RAB10: variants seen among roughly 807,000 people sequenced by gnomAD.
RAB10 encodes the protein ras-related protein Rab-10.
In RAB10, 5 loss-of-function variants were observed where a neutral mutation model predicts 25.7. That is an observed-to-expected ratio of 0.19 (90% confidence interval 0.10 to 0.41). The LOEUF is 0.41. RAB10 is among the 10% of genes least tolerant of loss of function. RAB10 has a pLI of 1.00. For missense variants in RAB10, 103 were observed against 245.8 expected (o/e 0.42, Z 3.89); for synonymous variants, 89 against 86.4 (o/e 1.03, Z -0.16).
At chr2:26,109,121 A>C (rs1391163125) in intron 2 of RAB10, among the ~76,000 whole-genome samples, 1 of 151,324 alleles carries the variant, frequency 6.6e-6, no homozygotes, top group Non-Finnish European at 1.5e-5. Context: ...CATGTTGGCC[A>C]AGTGTCTTGA....
At position 26,034,700 on chromosome 2, in the gene RAB10, A is replaced by T; in HGVS notation, c.92A>T (p.Asp31Val). 1 of 1,614,122 alleles carries T rather than the reference A, an allele frequency of 6.2e-7. No homozygotes were observed. The highest frequency in any genetic ancestry group is 8.5e-7 in the Non-Finnish European group (1 of 1,180,010). Residue 31 changes from aspartate to valine, a missense_variant, in exon 1 of 6, where the codon GAT becomes GTT. Transcript: ENST00000264710. ...GKTCVLFRFSDDAFNTTFIST... is the reference protein window; with the variant it reads ...GKTCVLFRFSVDAFNTTFIST... The stretch of plus-strand genomic sequence containing the variant: ...ACCTGCGTCCTTTTTCGTTTTTCGG[A>T]TGATGCCTTCAATACTACCTTTATT...
At chr2:26,125,793 T>G (rs1667891448) in intron 3 of RAB10, among the ~76,000 whole-genome samples, 1 of 152,204 alleles carries the variant, frequency 6.6e-6, no homozygotes, top group African/African-American at 2.4e-5. Flanking sequence ...ATACATGATT[T>G]ACAAATATTT....
At position 26,079,324 on chromosome 2, in the gene RAB10, A is replaced by ACACACACACAC. The variant is rs1553726198; in HGVS notation, c.128-19338_128-19337insCACACACACAC. 2.9e-3 allele frequency among the ~76,000 whole-genome samples: 267 copies of ACACACACACAC among 92,644 alleles called. 2 individuals are homozygous for ACACACACACAC. The highest frequency in any genetic ancestry group is 7.2e-3 in the African/African-American group (180 of 25,038). 60.8% of individuals were successfully genotyped at this position (92,644 alleles called of 152,430 possible). ...AGCAAGTTTGAAACACACACACACAAACACACACACACACACACACACACA... is the reference window on the plus strand; with the variant it reads ...AGCAAGTTTGAAACACACACACACAACACACACACACACACACACACACACACACACACACA... On this transcript the variant is annotated intron_variant, in intron 1 of 5. Transcript: ENST00000264710.
chr2:26,108,907 TTA>T (rs1491331344), intron 2 of RAB10, among the ~76,000 whole-genome samples: 5 of 150,580 alleles, frequency 3.3e-5, no homozygotes, highest in African/African-American at 1.2e-4. Context: ...ATTTATTTAT[TTA>T]TTTATTTATT....
intron 3 of RAB10, among the ~76,000 whole-genome samples, chr2:26,117,638 A>C (rs1233208348): frequency 6.3e-5 from 1 of 15,830 alleles, no homozygotes; most frequent in African/African-American, 1.8e-4. Flanking sequence ...AAAAAAAACA[A>C]AAAAAACAAA....
chr2:26,110,883 TGTA>T (rs1667555657), intron 3 of RAB10, among the ~76,000 whole-genome samples: 2 of 152,074 alleles, frequency 1.3e-5, no homozygotes, highest in South Asian at 4.1e-4. Flanking sequence ...TTTTTGTATT[TGTA>T]GTAGAGATGG....
At chr2:26,056,298 A>G (rs1378489212) in intron 1 of RAB10, among the ~76,000 whole-genome samples, 2 of 152,138 alleles carry the variant, frequency 1.3e-5, no homozygotes, top group East Asian at 3.9e-4. Context: ...TCCCGGGTTC[A>G]GGCAATTCTC....
intron 3 of RAB10, among the ~76,000 whole-genome samples, chr2:26,118,616 C>T (rs1667740955): frequency 6.6e-6 from 1 of 152,124 alleles, no homozygotes; most frequent in Admixed American, 6.6e-5. Flanking sequence ...ACAGTGATCT[C>T]TAAATCTGTG....
At chr2:26,075,660 C>T (rs909205711) in intron 1 of RAB10, among the ~76,000 whole-genome samples, 14 of 152,156 alleles carry the variant, frequency 9.2e-5, no homozygotes, top group Non-Finnish European at 1.6e-4. Context: ...ACAGAATAAT[C>T]ATGACCAAGG....
At chr2:26,120,992 A>G (rs1358984747) in intron 3 of RAB10, among the ~76,000 whole-genome samples, 2 of 151,682 alleles carry the variant, frequency 1.3e-5, no homozygotes, top group East Asian at 3.9e-4. Flanking sequence ...GCTCACTGCA[A>G]CCTCCACCTC....
chr2:26,059,584 A>G (rs1432497130), intron 1 of RAB10, among the ~76,000 whole-genome samples: 1 of 152,214 alleles, frequency 6.6e-6, no homozygotes, highest in Non-Finnish European at 1.5e-5. Flanking sequence ...TACTCAACAA[A>G]TTAAAAATGG....
chr2:26,042,930 A>T (rs1034003011), intron 1 of RAB10: 2 of 152,152 alleles, frequency 1.3e-5, no homozygotes, highest in African/African-American at 2.4e-5. Flanking sequence ...ACCATTTAGG[A>T]TAGTTATAAC....
intron 2 of RAB10, among the ~76,000 whole-genome samples, chr2:26,102,508 G>A (rs887654516): frequency 1.4e-5 from 2 of 144,572 alleles, no homozygotes; most frequent in East Asian, 4.0e-4. Context: ...GCGCTATCTC[G>A]GCTCACTGCA....
In RAB10 at chr2:26,137,330, C is replaced by T. The variant is rs973179226; in HGVS notation, c.*2309C>T. ...GAAGCTGTTCTCATTAAACACCAAA[C>T]AGTTAAGTCCATTCTCTGGTACTAG... On this transcript the variant is annotated 3_prime_UTR_variant, in exon 6 of 6. Transcript: ENST00000264710. 2.0e-5 allele frequency: 3 copies of T among 152,650 alleles called. No homozygotes were observed. Among genetic ancestry groups the T allele is most frequent in the Non-Finnish European group, 4.4e-5 (3 of 68,034 alleles). The allele number at this position is 152,650 out of a possible 1,614,324, so 9.5% of individuals were successfully genotyped here.
chr2:26,124,965 T>A (rs1667877056), intron 3 of RAB10, among the ~76,000 whole-genome samples: 1 of 152,256 alleles, frequency 6.6e-6, no homozygotes, highest in African/African-American at 2.4e-5. Context: ...CTGAATAATA[T>A]TCCATTGTTT....
chr2:26,047,121 A>G (rs998620841), intron 1 of RAB10, among the ~76,000 whole-genome samples: 10 of 152,122 alleles, frequency 6.6e-5, no homozygotes, highest in African/African-American at 1.7e-4. Flanking sequence ...ATTTGGTACA[A>G]TTTTGTCATT....
intron 1 of RAB10, among the ~76,000 whole-genome samples, chr2:26,094,614 A>G (rs932241569): frequency 3.1e-4 from 47 of 151,614 alleles, no homozygotes; most frequent in African/African-American, 1.1e-3. Context: ...GCTGGAGTGC[A>G]GTGGTGCGAT....
intron 1 of RAB10, among the ~76,000 whole-genome samples, chr2:26,080,199 T>C (rs1666837629): frequency 6.6e-6 from 1 of 152,086 alleles, no homozygotes; most frequent in Admixed American, 6.6e-5. Context: ...GAATAAAATA[T>C]CTTTGAGTCC....
intron 3 of RAB10, among the ~76,000 whole-genome samples, chr2:26,119,445 C>T (rs1431371802): frequency 1.3e-5 from 2 of 151,588 alleles, no homozygotes; most frequent in Non-Finnish European, 2.9e-5. Flanking sequence ...TTGTATAATA[C>T]TATTTTGACC....
Sources: allele counts gnomAD v4.1 joint callset (sites outside exome capture counted in the v4.1 genomes callset), GRCh38; gene constraint gnomAD v4.1.1; transcripts MANE v1.5; gene names NCBI Gene and HGNC (gene_info 2026-07-23, HGNC 2026-07-21).